ATP6V0D1: variants seen among roughly 807,000 people sequenced by gnomAD.
ATP6V0D1 encodes the protein V-type proton ATPase subunit d 1.
In ATP6V0D1, 13 loss-of-function variants were observed where a neutral mutation model predicts 39.0. The observed-to-expected ratio is 0.33, with a 90% CI of 0.22 to 0.53. The LOEUF is 0.53. ATP6V0D1 is among the 20% of genes least tolerant of loss of function. The probability of loss-of-function intolerance (pLI) is 0.94; values close to 1 mark genes in which losing one functional copy is unlikely to be tolerated. For missense variants in ATP6V0D1, 272 were observed against 470.9 expected, an observed-to-expected ratio of 0.58 and a Z score of 3.91; for synonymous variants, 191 against 191.2, an observed-to-expected ratio of 1.00 and a Z score of 0.01.
intron 1 of ATP6V0D1, among the ~76,000 whole-genome samples, chr16:67,480,617 G>A (rs2041462356): frequency 6.6e-6 from 1 of 152,096 alleles, no homozygotes; most frequent in Non-Finnish European, 1.5e-5. Context: ...CAGCTCTCGG[G>A]CTACGTCAGG....
intron 1 of ATP6V0D1, among the ~76,000 whole-genome samples, chr16:67,460,006 T>C (rs566581051): frequency 6.6e-6 from 1 of 152,362 alleles, no homozygotes; most frequent in East Asian, 1.9e-4. Context: ...TACTTCTGCT[T>C]TTCCAGAGGT....
rs1233676517 is a variant in ATP6V0D1 at position 67,447,321 on chromosome 16, CCT to C, written c.303-2617_303-2616del. Among the ~76,000 whole-genome samples the C allele has an allele frequency of 6.6e-6, 1 of 152,228 alleles. No individual in the cohort carries two copies. Among genetic ancestry groups the C allele is most frequent in the Non-Finnish European group, 1.5e-5 (1 of 68,040 alleles). On this transcript the variant is annotated intron_variant, in intron 2 of 7. Transcript: ENST00000290949. The surrounding 1 kb of genome is among the most constrained non-coding windows in gnomAD (Gnocchi z 4.1). ...TCTCCTGCCCAGTGAGGGGCAGAAT[CCT>C]CTTTTTCAGGAGATGAGAGGCTGGA...
intron 1 of ATP6V0D1, among the ~76,000 whole-genome samples, chr16:67,464,962 C>T (rs2041317471): frequency 6.6e-6 from 1 of 152,258 alleles, no homozygotes. Context: ...GCCCCTTGTG[C>T]CTACTCCTTG....
At chr16:67,460,628 A>C (rs2041281772) in intron 1 of ATP6V0D1, among the ~76,000 whole-genome samples, 1 of 151,896 alleles carries the variant, frequency 6.6e-6, no homozygotes, top group South Asian at 2.1e-4. Flanking sequence ...GAGTAACCCC[A>C]AGTTCCAACA....
Position 67,438,471 on chromosome 16 carries a change from G to C in ATP6V0D1, c.*57C>G. The C allele has an allele frequency of 6.6e-7, 1 of 1,522,810 alleles. No individual in the cohort carries two copies. The highest frequency in any genetic ancestry group is 9.0e-7 in the Non-Finnish European group (1 of 1,114,254). The allele number at this position is 1,522,810 out of a possible 1,614,324, so 94.3% of individuals were successfully genotyped here. ...CACATACACACACACGCACACACAC[G>C]CGCACACACACACACACACACACAA... On this transcript the variant is annotated 3_prime_UTR_variant, in exon 8 of 8. Transcript: ENST00000290949.
chr16:67,473,901 C>T (rs887203404), intron 1 of ATP6V0D1, among the ~76,000 whole-genome samples: 4 of 152,104 alleles, frequency 2.6e-5, no homozygotes, highest in African/African-American at 9.7e-5. Flanking sequence ...GTGATCCCCC[C>T]GACTCGGCCT....
intron 1 of ATP6V0D1, among the ~76,000 whole-genome samples, chr16:67,473,333 C>T (rs930843227): frequency 6.6e-6 from 1 of 152,086 alleles, no homozygotes; most frequent in South Asian, 2.1e-4. Flanking sequence ...ATTGTGCAAC[C>T]GCCCCACAAT....
chr16:67,441,745 G>A (rs370070346), intron 4 of ATP6V0D1: 6 of 152,204 alleles, frequency 3.9e-5, no homozygotes, highest in Non-Finnish European at 7.3e-5. Flanking sequence ...CTGAGCCTTC[G>A]GTTTCCCCAT....
chr16:67,450,160 A>G (rs1230832664), intron 2 of ATP6V0D1, among the ~76,000 whole-genome samples: 1 of 152,150 alleles, frequency 6.6e-6, no homozygotes. Context: ...TCCTGAGTAT[A>G]TTCCTCTGCG....
At chr16:67,480,681 C>T (rs2041463592) in intron 1 of ATP6V0D1, among the ~76,000 whole-genome samples, 2 of 152,086 alleles carry the variant, frequency 1.3e-5, no homozygotes, top group Non-Finnish European at 2.9e-5. Context: ...CCCGAAACAC[C>T]CCCTCCTCCC....
At chr16:67,470,374 C>T (rs999980003) in intron 1 of ATP6V0D1, among the ~76,000 whole-genome samples, 10 of 152,218 alleles carry the variant, frequency 6.6e-5, no homozygotes. Flanking sequence ...AACCACCATG[C>T]CCCAGCATCA....
chr16:67,480,901 C>A, intron 1 of ATP6V0D1, 56 bp downstream of exon 1: 1 of 1,604,038 alleles, frequency 6.2e-7, no homozygotes, highest in Non-Finnish European at 8.5e-7. Context: ...GCCTACACCT[C>A]TGAACCCTCA....
chr16:67,439,725 C>CT (rs771542459), intron 4 of ATP6V0D1: 1 of 284,634 alleles, frequency 3.5e-6, no homozygotes, highest in African/African-American at 2.1e-5. Flanking sequence ...TCCTCAGCCT[C>CT]TGAAAACCAG....
chr16:67,470,869 A>C (rs867051790), intron 1 of ATP6V0D1, among the ~76,000 whole-genome samples: 2 of 152,160 alleles, frequency 1.3e-5, no homozygotes, highest in South Asian at 4.1e-4. Flanking sequence ...TCTAATAAAA[A>C]CTGGACCAAT....
intron 1 of ATP6V0D1, chr16:67,458,989 T>A: frequency 2.1e-6 from 2 of 931,084 alleles, no homozygotes; most frequent in Non-Finnish European, 2.6e-6. Context: ...GTCCTCCAAA[T>A]TGAATGGTTC....
chr16:67,477,684 T>C (rs1335590843), intron 1 of ATP6V0D1, among the ~76,000 whole-genome samples: 2 of 152,316 alleles, frequency 1.3e-5, no homozygotes, highest in African/African-American at 4.8e-5. Flanking sequence ...AGTTTTTTTT[T>C]TTTCTTTATA....
At chr16:67,446,723 C>A (rs556910058) in intron 2 of ATP6V0D1, among the ~76,000 whole-genome samples, 75 of 152,202 alleles carry the variant, frequency 4.9e-4, no homozygotes, top group Non-Finnish European at 8.1e-4. Flanking sequence ...CCCATCCAGC[C>A]CCAATGTAGC....
chr16:67,467,980 G>A (rs1054636304), intron 1 of ATP6V0D1, among the ~76,000 whole-genome samples: 3 of 152,332 alleles, frequency 2.0e-5, no homozygotes, highest in African/African-American at 4.8e-5. Context: ...AACTATGGGA[G>A]GCAGACCTGG....
chr16:67,452,057 C>A (rs1356864696), intron 2 of ATP6V0D1, among the ~76,000 whole-genome samples: 1 of 152,270 alleles, frequency 6.6e-6, no homozygotes, highest in Non-Finnish European at 1.5e-5. Context: ...TCAGGCTGGG[C>A]TCTAGCAATA....
Sources: allele counts gnomAD v4.1 joint callset (sites outside exome capture counted in the v4.1 genomes callset), GRCh38; gene constraint gnomAD v4.1.1; non-coding constraint Gnocchi (gnomAD v3.1); transcripts MANE v1.5; gene names NCBI Gene and HGNC (gene_info 2026-07-23, HGNC 2026-07-21).